Variants in TRAF3 observed in about 807,000 individuals in gnomAD.
TRAF3 encodes TNF receptor-associated factor 3.
In TRAF3, 13 loss-of-function variants were observed where a neutral mutation model predicts 62.3. The observed-to-expected ratio is 0.21, with a 90% CI of 0.14 to 0.33. The LOEUF (loss-of-function observed/expected upper bound fraction) is 0.33. Among genes scored for constraint, TRAF3 ranks in the 10% least tolerant of loss-of-function variants. The pLI is 1.00. For missense variants in TRAF3, 440 were observed against 741.8 expected (o/e 0.59, Z 4.73); for synonymous variants, 269 against 283.4 (o/e 0.95, Z 0.51).
intron 11 of TRAF3, among the ~76,000 whole-genome samples, chr14:102,904,228 T>A (rs1266113605): frequency 6.6e-6 from 1 of 152,232 alleles, no homozygotes; most frequent in Admixed American, 6.5e-5. Flanking sequence ...CCTAGTAATG[T>A]GTCCAGACAG....
intron 10 of TRAF3, 84 bp downstream of exon 10, chr14:102,897,485 G>C: frequency 6.5e-7 from 1 of 1,549,978 alleles, no homozygotes; most frequent in Non-Finnish European, 8.8e-7. Context: ...CAAACTCTTT[G>C]AGCTGAGTCC....
intron 2 of TRAF3, among the ~76,000 whole-genome samples, chr14:102,834,645 G>A (rs1306026084): frequency 2.3e-5 from 3 of 132,934 alleles, no homozygotes; most frequent in Admixed American, 8.7e-5. Context: ...CCGAGACTGC[G>A]CCACTGCACT....
intron 1 of TRAF3, among the ~76,000 whole-genome samples, chr14:102,804,709 A>T (rs775661062): frequency 5.3e-5 from 8 of 151,456 alleles, no homozygotes; most frequent in Admixed American, 6.6e-5. Flanking sequence ...CTGGTCTTGA[A>T]CTCCTGGCCT....
intron 11 of TRAF3, 50 bp from the exon 12 acceptor site, chr14:102,905,161 CCT>C (rs1890523984): frequency 3.2e-6 from 5 of 1,555,342 alleles, no homozygotes; most frequent in Non-Finnish European, 4.4e-6. Context: ...GCTTTCCTAA[CCT>C]CTCTGACGTT....
chr14:102,879,140 G>A lies in TRAF3; in HGVS notation c.570+2615G>A, dbSNP rs544590346. Among the ~76,000 whole-genome samples, 8 of 152,168 alleles carry A rather than the reference G, an allele frequency of 5.3e-5. No homozygotes were observed. The East Asian group carries it at 1.2e-3, about 22-fold the overall frequency. ...GCGAGTGGAGAGGAGGACAGAGCTC[G>A]TGGGGGCCTGGGCACACCCTCAGAG... On this transcript the variant is annotated intron_variant, in intron 6 of 11. Transcript: ENST00000392745.
intron 2 of TRAF3, among the ~76,000 whole-genome samples, chr14:102,857,710 A>G (rs541955210): frequency 1.5e-4 from 23 of 152,302 alleles, no homozygotes; most frequent in African/African-American, 4.6e-4. Flanking sequence ...TTCCCAAGGA[A>G]CTTTTATTGG....
intron 2 of TRAF3, among the ~76,000 whole-genome samples, chr14:102,855,562 G>A (rs1484247761): frequency 1.3e-5 from 2 of 151,992 alleles, no homozygotes; most frequent in Non-Finnish European, 2.9e-5. Context: ...TTGGGAGGCC[G>A]AGGCAGGCAG....
intron 2 of TRAF3, among the ~76,000 whole-genome samples, chr14:102,834,297 T>TA (rs767255621): frequency 3.3e-5 from 5 of 152,040 alleles, no homozygotes; most frequent in Non-Finnish European, 7.4e-5. Context: ...GCTGCACACC[T>TA]ACAACCATCT....
At chr14:102,844,852 G>A (rs1386379425) in intron 2 of TRAF3, among the ~76,000 whole-genome samples, 1 of 151,514 alleles carries the variant, frequency 6.6e-6, no homozygotes, top group Non-Finnish European at 1.5e-5. Context: ...ACCAGCCTGG[G>A]CAACATAGTG....
In TRAF3 at chr14:102,903,503, G is replaced by T. The variant is rs772991226; in HGVS notation, c.1135+74G>T. 7.2e-5 allele frequency: 115 copies of T among 1,599,302 alleles called. No homozygotes were observed. The highest frequency in any genetic ancestry group is 9.7e-5 in the Non-Finnish European group (114 of 1,171,038). On this transcript the variant is annotated intron_variant, in intron 11 of 11. Transcript: ENST00000392745. This position sits in a 1 kb window ranked among gnomAD's most constrained non-coding sequence, Gnocchi z 6.4. ...GCGAGTGCTGGGGCGGGGTCCGTGG[G>T]ATGAGGGCTATGTTAGGTACATGTG...
At chr14:102,836,667 T>G (rs1230043899) in intron 2 of TRAF3, among the ~76,000 whole-genome samples, 1 of 152,240 alleles carries the variant, frequency 6.6e-6, no homozygotes, top group Non-Finnish European at 1.5e-5. Flanking sequence ...GGTGGCCACA[T>G]TTGATTATGA....
At chr14:102,809,426 G>C (rs796308083) in intron 1 of TRAF3, among the ~76,000 whole-genome samples, 14 of 152,132 alleles carry the variant, frequency 9.2e-5, no homozygotes, top group African/African-American at 3.4e-4. Context: ...CACCGCGCCT[G>C]GCCTAGAGTG....
At chr14:102,780,134 G>A (rs566520947) in intron 1 of TRAF3, among the ~76,000 whole-genome samples, 4 of 152,246 alleles carry the variant, frequency 2.6e-5, no homozygotes, top group Admixed American at 2.6e-4. Context: ...CCAGAGAGAA[G>A]CAGCCGAGGC....
At position 102,870,463 on chromosome 14, in the gene TRAF3, G is replaced by T; in HGVS notation, c.245+17G>T. On this transcript the variant is annotated intron_variant, in intron 3 of 11. Coordinates refer to ENST00000392745, the MANE Select transcript of TRAF3 (RefSeq NM_145725.3). Reference sequence around the variant, plus strand: ...CCTGCTGAGGTAGGCGCCCTCGCCCGGCCCGTCGCCCGGCCCCTTCTCAGC... The same window carrying T: ...CCTGCTGAGGTAGGCGCCCTCGCCCTGCCCGTCGCCCGGCCCCTTCTCAGC... 4 of 1,608,272 alleles carry T rather than the reference G, an allele frequency of 2.5e-6. No individual in the cohort carries two copies. Among genetic ancestry groups the T allele is most frequent in the East Asian group, 2.2e-5 (1 of 44,868 alleles).
chr14:102,880,403 A>G (rs1461754368), intron 6 of TRAF3, among the ~76,000 whole-genome samples: 1 of 152,246 alleles, frequency 6.6e-6, no homozygotes, highest in Non-Finnish European at 1.5e-5. Flanking sequence ...ACATATGTTA[A>G]TATGTTGCCA....
intron 1 of TRAF3, among the ~76,000 whole-genome samples, chr14:102,791,263 C>G (rs953526061): frequency 6.6e-6 from 1 of 152,094 alleles, no homozygotes; most frequent in African/African-American, 2.4e-5. Flanking sequence ...TCGTGATCCA[C>G]CCACCTCGGC....
At chr14:102,880,399 G>A (rs1043107671) in intron 6 of TRAF3, among the ~76,000 whole-genome samples, 2 of 152,194 alleles carry the variant, frequency 1.3e-5, no homozygotes, top group African/African-American at 4.8e-5. Flanking sequence ...CTTTACATAT[G>A]TTAATATGTT....
At chr14:102,881,414 A>T (rs568217956) in intron 6 of TRAF3, among the ~76,000 whole-genome samples, 1 of 152,114 alleles carries the variant, frequency 6.6e-6, no homozygotes, top group Admixed American at 6.6e-5. Flanking sequence ...AAAAAAAGAA[A>T]AAAAGGAAGG....
At chr14:102,836,897 G>A (rs983978984) in intron 2 of TRAF3, among the ~76,000 whole-genome samples, 17 of 151,928 alleles carry the variant, frequency 1.1e-4, no homozygotes, top group African/African-American at 3.4e-4. Flanking sequence ...AGTTCCATAA[G>A]CAAAAATGAA....
Sources: allele counts gnomAD v4.1 joint callset (sites outside exome capture counted in the v4.1 genomes callset), GRCh38; gene constraint gnomAD v4.1.1; non-coding constraint Gnocchi (gnomAD v3.1); transcripts MANE v1.5; gene names NCBI Gene and HGNC (gene_info 2026-07-23, HGNC 2026-07-21).